TMEM132E: variants seen among roughly 807,000 people sequenced by gnomAD.
TMEM132E encodes transmembrane protein 132E.
TMEM132E carries 49 observed loss-of-function variants against 78.5 expected under a neutral mutation model. That is an observed-to-expected ratio of 0.62 (90% CI 0.50 to 0.79). The LOEUF (loss-of-function observed/expected upper bound fraction) is 0.79. TMEM132E is among the 30% of genes least tolerant of loss of function. The pLI, the probability that TMEM132E is intolerant of heterozygous loss-of-function variation, is 0.00. For synonymous variants in TMEM132E, 715 were observed against 670.6 expected (o/e 1.07, Z -1.02); for missense variants, 1,403 against 1,470.9 (o/e 0.95, Z 0.75).
chr17:34,628,629 C>A lies in TMEM132E; in HGVS notation c.1065C>A (p.Thr355=). The A allele has an allele frequency of 6.2e-7, 1 of 1,613,904 alleles. No individual in the cohort carries two copies. Among genetic ancestry groups the A allele is most frequent in the Non-Finnish European group, 8.5e-7 (1 of 1,179,902 alleles). The change falls in exon 3 of 9, where the codon ACC becomes ACA. Residue 355 remains threonine, a synonymous_variant. Coordinates refer to ENST00000631683, the MANE Select transcript of TMEM132E (RefSeq NM_001304438.2). ...CACGGAGTGGCCAGTGGCATGTGAC[C>A]TCGGAGCTGCTGACTGGGGCAAAGC... The part of the protein sequence containing the change: ...TKSRSGQWHV[T]SELLTGAKHS...
intron 1 of TMEM132E, among the ~76,000 whole-genome samples, chr17:34,613,211 ACGCGCGCG>A (rs1555563343): frequency 8.6e-6 from 1 of 115,856 alleles, no homozygotes; most frequent in Non-Finnish European, 1.8e-5. Context: ...ACACACACAC[ACGCGCGCG>A]CGCGCGCGTT....
At chr17:34,622,661 C>T (rs563550691) in intron 1 of TMEM132E, among the ~76,000 whole-genome samples, 10 of 152,348 alleles carry the variant, frequency 6.6e-5, no homozygotes, top group African/African-American at 2.2e-4. Context: ...ATTACCCTCA[C>T]AGCATCCCAG....
At chr17:34,601,227 C>T (rs980444926) in intron 1 of TMEM132E, among the ~76,000 whole-genome samples, 11 of 152,310 alleles carry the variant, frequency 7.2e-5, no homozygotes, top group African/African-American at 2.6e-4. Flanking sequence ...GGTCCAGAGG[C>T]CTGGGAAGAG....
chr17:34,601,385 C>T (rs1176420127), intron 1 of TMEM132E, among the ~76,000 whole-genome samples: 1 of 152,218 alleles, frequency 6.6e-6, no homozygotes, highest in African/African-American at 2.4e-5. Flanking sequence ...TCCCCCAGTC[C>T]CTGACTGCCC....
chr17:34,612,586 G>A (rs1418893875), intron 1 of TMEM132E, among the ~76,000 whole-genome samples: 1 of 152,204 alleles, frequency 6.6e-6, no homozygotes, highest in South Asian at 2.1e-4. Flanking sequence ...TCAGAATATG[G>A]TCCAAGTCTC....
At position 34,632,570 on chromosome 17, in the gene TMEM132E, C is replaced by T. The variant is rs922742228; in HGVS notation, c.1483-134C>T. 7 of 817,712 alleles carry T rather than the reference C, an allele frequency of 8.6e-6. No individual in the cohort carries two copies. The African/African-American group carries it at 1.2e-4, about 14-fold the overall frequency. The allele number at this position is 817,712 out of a possible 1,614,324, so 50.7% of individuals were successfully genotyped here. On this transcript the variant is annotated intron_variant, in intron 5 of 8. Coordinates refer to ENST00000631683, the MANE Select transcript of TMEM132E (RefSeq NM_001304438.2). ...AGGACTCCCAGAGGAATCAGTGCTT[C>T]CTTCCACTGGCCTCCTCCCCTTCAG...
chr17:34,624,264 G>A (rs754229802), intron 1 of TMEM132E, among the ~76,000 whole-genome samples: 10 of 152,246 alleles, frequency 6.6e-5, no homozygotes, highest in Non-Finnish European at 5.9e-5. Flanking sequence ...ACTGACAGTG[G>A]TAAAATGATA....
intron 1 of TMEM132E, among the ~76,000 whole-genome samples, chr17:34,601,716 C>A (rs1442640137): frequency 6.6e-6 from 1 of 152,230 alleles, no homozygotes; most frequent in Non-Finnish European, 1.5e-5. Context: ...TCCAGCCCCT[C>A]TGGGGCTTCA....
chr17:34,589,317 G>A (rs1051036026), intron 1 of TMEM132E, among the ~76,000 whole-genome samples: 5 of 152,170 alleles, frequency 3.3e-5, no homozygotes, highest in Admixed American at 2.6e-4. Context: ...CGGACCAGGA[G>A]GGAGGGGAAA....
At chr17:34,591,760 T>C (rs1190722619) in intron 1 of TMEM132E, among the ~76,000 whole-genome samples, 1 of 152,190 alleles carries the variant, frequency 6.6e-6, no homozygotes, top group Non-Finnish European at 1.5e-5. Context: ...CAGAGAATCA[T>C]GGTGGGTCTT....
rs146854433 is a variant in TMEM132E, at chr17:34,597,459, T to C, written c.67+16316T>C. ...TCTTTTTCATTGATTCAGTCAACTA[T>C]TCATTCATTCATTCAATTCTGCAAA... On this transcript the variant is annotated intron_variant, in intron 1 of 8. Transcript: ENST00000631683. 2.0e-5 allele frequency among the ~76,000 whole-genome samples: 3 copies of C among 152,342 alleles called. No homozygotes were observed. The East Asian group carries it at 5.8e-4, about 29-fold the overall frequency.
intron 1 of TMEM132E, among the ~76,000 whole-genome samples, chr17:34,611,613 C>A (rs1194426871): frequency 6.6e-6 from 1 of 152,078 alleles, no homozygotes; most frequent in Non-Finnish European, 1.5e-5. Context: ...TCAGGGAGGG[C>A]CCTGTGGGGA....
At chr17:34,589,325 A>G (rs1441692336) in intron 1 of TMEM132E, among the ~76,000 whole-genome samples, 4 of 152,086 alleles carry the variant, frequency 2.6e-5, no homozygotes, top group Admixed American at 6.5e-5. Context: ...GAGGGAGGGG[A>G]AAGGGCCAGG....
chr17:34,610,498 C>A (rs751252427), intron 1 of TMEM132E, among the ~76,000 whole-genome samples: 1 of 152,132 alleles, frequency 6.6e-6, no homozygotes, highest in Non-Finnish European at 1.5e-5. Flanking sequence ...TGTGAGCAGA[C>A]CAGAATCCTG....
At position 34,580,138 on chromosome 17, in the gene TMEM132E, T is replaced by A. The variant is rs1231219865; in HGVS notation, c.-939T>A. On this transcript the variant is annotated 5_prime_UTR_variant, in exon 1 of 9. Coordinates refer to ENST00000631683, the MANE Select transcript of TMEM132E (RefSeq NM_001304438.2). ...CGTGAGCTGCAGGAGCCCCTCTGCA[T>A]CTTACAGCGTTTATGGTCATCAAGC... 1.3e-5 allele frequency: 2 copies of A among 152,382 alleles called. No individual in the cohort carries two copies. Among genetic ancestry groups the A allele is most frequent in the Non-Finnish European group, 2.9e-5 (2 of 68,190 alleles). 9.4% of individuals were successfully genotyped at this position (152,382 alleles called of 1,614,324 possible). A position where few individuals can be genotyped will look rare whatever the true frequency, so the allele number is the denominator to read the frequency against.
At position 34,632,880 on chromosome 17, in the gene TMEM132E, C is replaced by T; in HGVS notation, c.1659C>T (p.Gly553=). The T allele has an allele frequency of 6.2e-7, 1 of 1,614,218 alleles. No individual in the cohort carries two copies. The highest frequency in any genetic ancestry group is 1.1e-5 in the South Asian group (1 of 91,086). ...LSDARLSQVK[G]WRVPILPDRR... is the part of the protein sequence containing the mutation. ...ATGCCCGCCTCAGCCAAGTGAAGGG[C>T]TGGAGGGTACCTATCCTCCCCGACC... The change falls in exon 6 of 9, where the codon GGC becomes GGT. Residue 553 remains glycine, a synonymous_variant. Transcript: ENST00000631683.
chr17:34,591,773 AG>A (rs1905877256), intron 1 of TMEM132E, among the ~76,000 whole-genome samples: 1 of 152,244 alleles, frequency 6.6e-6, no homozygotes. Flanking sequence ...TGGGTCTTCA[AG>A]TCACACAAAT....
chr17:34,619,996 T>C (rs1597687285), intron 1 of TMEM132E, among the ~76,000 whole-genome samples: 1 of 152,120 alleles, frequency 6.6e-6, no homozygotes, highest in African/African-American at 2.4e-5. Context: ...CTAATGACAA[T>C]TTTTTTTCTG....
rs549689071 is a variant in TMEM132E at position 34,633,012 on chromosome 17, T to C, written c.1688+103T>C. ...ATGGGTATAAGGCCCTTGGTATACA[T>C]AGTCTGTAGGTTGGTTGTGCAGTCA... On this transcript the variant is annotated intron_variant, in intron 6 of 8. Coordinates refer to ENST00000631683, the MANE Select transcript of TMEM132E (RefSeq NM_001304438.2). The C allele has an allele frequency of 6.0e-5, 77 of 1,293,084 alleles. No individual in the cohort carries two copies. The East Asian group carries it at 1.8e-3, about 30-fold the overall frequency. 80.1% of individuals were successfully genotyped at this position (1,293,084 alleles called of 1,614,324 possible).
Sources: gnomAD v4.1 joint callset for allele counts (sites outside exome capture counted in the v4.1 genomes callset) on GRCh38, gnomAD v4.1.1 for gene constraint, MANE v1.5 for transcripts, NCBI Gene and HGNC (gene_info 2026-07-23, HGNC 2026-07-21) for gene names.